Variants in MAF observed in about 807,000 individuals in gnomAD.
MAF encodes the protein transcription factor Maf.
MAF carries 10 observed loss-of-function variants against 22.0 expected under a neutral mutation model. The ratio of observed to expected loss-of-function variants is 0.45; its 90% CI spans 0.28 to 0.77. The LOEUF (loss-of-function observed/expected upper bound fraction) is 0.77, where lower values mean the gene tolerates loss of function less well. MAF is among the 30% of genes least tolerant of loss of function. The pLI is 0.12. For missense variants in MAF, 544 were observed against 548.4 expected (o/e 0.99, Z 0.08); for synonymous variants, 337 against 255.8 (o/e 1.32, Z -3.03).
rs570931515 is a variant in MAF at position 79,595,985 on chromosome 16, C to A, written c.1119-1432G>T. 342 of 1,060,716 alleles carry A rather than the reference C, an allele frequency of 3.2e-4. 1 individual carries two copies. The highest frequency in any genetic ancestry group is 3.0e-3 in the East Asian group (59 of 19,502). 65.7% of individuals were successfully genotyped at this position (1,060,716 alleles called of 1,614,324 possible). The stretch of plus-strand genomic sequence containing the variant: ...CATGTTTATGTTAAATCTTGTCAGG[C>A]CTTGCTAACAAGAAAATCTCGGTGT... On this transcript the variant is annotated intron_variant, in intron 1 of 1. Coordinates refer to ENST00000326043, the MANE Select transcript of MAF (RefSeq NM_005360.5).
chr16:79,548,833 T>A, the MAF span, among the ~76,000 whole-genome samples: 1 of 152,148 alleles, frequency 6.6e-6, no homozygotes. Context: ...GAAGGTAACC[T>A]GAAGCATGGC....
chr16:79,249,171 G>A, the MAF span, among the ~76,000 whole-genome samples: 1 of 152,154 alleles, frequency 6.6e-6, no homozygotes, highest in African/African-American at 2.4e-5. Flanking sequence ...TGTAATCCCA[G>A]CACTTTGGAA....
At chr16:79,239,377 C>T in the MAF span, among the ~76,000 whole-genome samples, 5 of 151,940 alleles carry the variant, frequency 3.3e-5, no homozygotes, top group South Asian at 2.1e-4. Flanking sequence ...GGTAAAGTCC[C>T]GGGCAAGTTG....
chr16:79,406,505 C>A, the MAF span, among the ~76,000 whole-genome samples: 7 of 152,146 alleles, frequency 4.6e-5, no homozygotes, highest in African/African-American at 1.2e-4. Flanking sequence ...TGCCTTCAAG[C>A]CATGTTCTCA....
chr16:79,399,054 C>A, the MAF span, among the ~76,000 whole-genome samples: 1 of 152,224 alleles, frequency 6.6e-6, no homozygotes, highest in African/African-American at 2.4e-5. Flanking sequence ...GCAATAGGCA[C>A]TCAGTAGACA....
the MAF span, among the ~76,000 whole-genome samples, chr16:79,287,610 A>G: frequency 1.3e-5 from 2 of 152,160 alleles, no homozygotes; most frequent in African/African-American, 4.8e-5. Context: ...GTTTGCCTGG[A>G]TCCCTTAGCG....
the MAF span, among the ~76,000 whole-genome samples, chr16:79,438,793 A>C: frequency 6.6e-6 from 1 of 152,284 alleles, no homozygotes; most frequent in African/African-American, 2.4e-5. Flanking sequence ...AGGAAGAAAT[A>C]AAAGGAAAGC....
the MAF span, among the ~76,000 whole-genome samples, chr16:79,315,650 G>A: frequency 6.6e-6 from 1 of 152,176 alleles, no homozygotes; most frequent in South Asian, 2.1e-4. Context: ...AACTCTGTCT[G>A]ACTCTAAAGC....
the MAF span, among the ~76,000 whole-genome samples, chr16:79,373,839 T>G: frequency 2.0e-3 from 303 of 152,296 alleles, 2 homozygotes; most frequent in African/African-American, 6.8e-3. Flanking sequence ...TTCATAACTG[T>G]AAGAAGTAAA....
chr16:79,323,186 A>AAG, the MAF span, among the ~76,000 whole-genome samples: 7 of 135,810 alleles, frequency 5.2e-5, no homozygotes, highest in Non-Finnish European at 9.4e-5. Context: ...AAAAAAAAAA[A>AAG]GGCAAATGGG....
At chr16:79,584,688 G>C (rs181808882), downstream of MAF, among the ~76,000 whole-genome samples, 1 of 152,086 alleles carries the variant, frequency 6.6e-6, no homozygotes, top group East Asian at 1.9e-4. Flanking sequence ...ATAAAGCATC[G>C]GAACTGCATG....
chr16:79,268,505 A>T, the MAF span, among the ~76,000 whole-genome samples: 1 of 152,290 alleles, frequency 6.6e-6, no homozygotes, highest in East Asian at 1.9e-4. Flanking sequence ...AACGTAATAT[A>T]GGTTAGCAAT....
the MAF span, among the ~76,000 whole-genome samples, chr16:79,310,918 T>C: frequency 6.6e-6 from 1 of 152,222 alleles, no homozygotes; most frequent in African/African-American, 2.4e-5. Context: ...GGCTGGCAGG[T>C]GCTGAGCGTG....
At chr16:79,454,126 A>G in the MAF span, among the ~76,000 whole-genome samples, 1 of 152,158 alleles carries the variant, frequency 6.6e-6, no homozygotes, top group Non-Finnish European at 1.5e-5. Context: ...ATTCGTTCCC[A>G]TTTTAGGGAT....
chr16:79,413,410 A>T, the MAF span, among the ~76,000 whole-genome samples: 2 of 132,160 alleles, frequency 1.5e-5, no homozygotes, highest in South Asian at 2.8e-4. Context: ...CGCCCGGCTA[A>T]TTTTTTTTTT....
the MAF span, among the ~76,000 whole-genome samples, chr16:79,230,276 C>T: frequency 6.6e-5 from 10 of 152,190 alleles, no homozygotes; most frequent in African/African-American, 2.2e-4. Flanking sequence ...ACCTTTCACC[C>T]GGCTAAGGCA....
At chr16:79,538,871 AAAAGAAAGAAAGAAAG>A in the MAF span, among the ~76,000 whole-genome samples, 15 of 104,340 alleles carry the variant, frequency 1.4e-4, no homozygotes, top group East Asian at 6.9e-4. Flanking sequence ...AAAAGAAAAG[AAAAGAAAGAAAGAAAG>A]AAAGAAAGAA....
the MAF span, among the ~76,000 whole-genome samples, chr16:79,568,068 G>A: frequency 6.6e-6 from 1 of 152,146 alleles, no homozygotes; most frequent in African/African-American, 2.4e-5. Context: ...AAAGCAAAAT[G>A]AACTACAGTA....
chr16:79,300,340 A>C, the MAF span, among the ~76,000 whole-genome samples: 2 of 152,264 alleles, frequency 1.3e-5, no homozygotes, highest in African/African-American at 4.8e-5. Context: ...GTGGATCACC[A>C]GGTCAGGAGT....
Sources: gnomAD v4.1 joint callset for allele counts (sites outside exome capture counted in the v4.1 genomes callset) on GRCh38, gnomAD v4.1.1 for gene constraint, MANE v1.5 for transcripts, NCBI Gene and HGNC (gene_info 2026-07-23, HGNC 2026-07-21) for gene names.